The following PXDN variants were observed in gnomAD, a reference collection of about 807,000 sequenced individuals.
PXDN encodes peroxidasin homolog.
PXDN carries 77 observed loss-of-function variants against 140.3 expected under a neutral mutation model. The ratio of observed to expected loss-of-function variants is 0.55; its 90% CI spans 0.46 to 0.66. The LOEUF is 0.66. Ranked by LOEUF, PXDN falls within the 30% of genes least tolerant of loss-of-function variation. The probability of loss-of-function intolerance (pLI) is 0.00; values close to 1 mark genes in which losing one functional copy is unlikely to be tolerated. For synonymous variants in PXDN, 911 were observed against 857.4 expected, an observed-to-expected ratio of 1.06 and a Z score of -1.09; for missense variants, 1,838 against 2,039.5, an observed-to-expected ratio of 0.90 and a Z score of 1.90.
chr2:1,675,855 C>T (rs1028691547), intron 8 of PXDN, among the ~76,000 whole-genome samples: 2 of 146,892 alleles, frequency 1.4e-5, no homozygotes, highest in African/African-American at 2.7e-5. Context: ...ACATCTCAGA[C>T]GCATCCCTCT....
At position 1,660,996 on chromosome 2, in the gene PXDN, G is replaced by A; in HGVS notation, c.1722C>T (p.Ser574=). 1 of 1,614,000 alleles carries A rather than the reference G, an allele frequency of 6.2e-7. No individual in the cohort carries two copies. The highest frequency in any genetic ancestry group is 1.1e-5 in the South Asian group (1 of 91,084). Reference sequence around the variant, plus strand: ...CATTGATGGTCAAGAATCCTTCAGGGCTGATGTGAAATTTTCCACTTTCTG... The same window carrying A: ...CATTGATGGTCAAGAATCCTTCAGGACTGATGTGAAATTTTCCACTTTCTG... ...QVTESGKFHI[S]PEGFLTINDV... is the part of the protein sequence containing the mutation. Residue 574 remains serine (S), a synonymous_variant, in exon 14 of 23, where the codon AGC becomes AGT. Transcript: ENST00000252804. The surrounding 1 kb of genome is among the most constrained non-coding windows in gnomAD (Gnocchi z 4.6).
chr2:1,704,339 C>T (rs1684529597), intron 1 of PXDN, among the ~76,000 whole-genome samples: 1 of 65,382 alleles, frequency 1.5e-5, no homozygotes, highest in Admixed American at 1.8e-4. Context: ...GGGACAACTC[C>T]AGGTGAAAGA....
In PXDN at chr2:1,683,876, A is replaced by G; in HGVS notation, c.489-149T>C. ...TACAAATGAATCTGAAAACAAAAGA[A>G]ATGGTTTTTTTTTCCTGTTTTATCA... On this transcript the variant is annotated intron_variant, in intron 5 of 22. Coordinates refer to ENST00000252804, the MANE Select transcript of PXDN (RefSeq NM_012293.3). The G allele has an allele frequency of 4.3e-6, 4 of 922,612 alleles. No individual in the cohort carries two copies. In the South Asian group the frequency reaches 6.8e-5, roughly 16 times the overall value. The allele number at this position is 922,612 out of a possible 1,614,324, so 57.2% of individuals were successfully genotyped here. A position where few individuals can be genotyped will look rare whatever the true frequency, so the allele number is the denominator to read the frequency against.
At chr2:1,696,125 C>T (rs1025443421) in intron 1 of PXDN, among the ~76,000 whole-genome samples, 6 of 152,172 alleles carry the variant, frequency 3.9e-5, no homozygotes, top group South Asian at 2.1e-4. Flanking sequence ...AATATATCTT[C>T]GATAAAATTT....
At position 1,691,971 on chromosome 2, in the gene PXDN, T is replaced by C; in HGVS notation, c.301A>G (p.Ile101Val). The C allele has an allele frequency of 4.6e-6, 7 of 1,528,480 alleles. No homozygotes were observed. The highest frequency in any genetic ancestry group is 6.2e-6 in the Non-Finnish European group (7 of 1,132,654). The allele number at this position is 1,528,480 out of a possible 1,614,324, so 94.7% of individuals were successfully genotyped here. A position where few individuals can be genotyped will look rare whatever the true frequency, so the allele number is the denominator to read the frequency against. The change falls in exon 3 of 23, where the codon ATA becomes GTA. Residue 101 changes from isoleucine to valine, a missense_variant. Physicochemically the swap from Ile to Val is conservative, Grantham distance 29. Around this residue, in one of 5 missense-constraint regions of PXDN, gnomAD observed 231 missense variants for 201.5 expected, o/e 1.15. Coordinates refer to ENST00000252804, the MANE Select transcript of PXDN (RefSeq NM_012293.3). ...AAGTCTTCAAATGCTCCACTAGGTA[T>C]CCTCTTGATCTGATTATTATTGAGA... ...LLLNNNQIKR[I>V]PSGAFEDLEN...
At chr2:1,670,410 A>G (rs1207910330) in intron 9 of PXDN, among the ~76,000 whole-genome samples, 2 of 152,190 alleles carry the variant, frequency 1.3e-5, no homozygotes, top group Non-Finnish European at 2.9e-5. Context: ...ATTTTTTTGT[A>G]TATAGATAGG....
rs7584583 is a variant in PXDN at position 1,700,147 on chromosome 2, C to T, written c.201-7013G>A. Among the ~76,000 whole-genome samples, 723 of 152,180 alleles carry T rather than the reference C, an allele frequency of 4.8e-3. 9 individuals carry two copies. The highest frequency in any genetic ancestry group is 0.017 in the African/African-American group (685 of 41,502). ...CGCGATCTCAGGTCACTGCAACCAC[C>T]GCCTCCCGGGTTCAAGCAATTCTCC... On this transcript the variant is annotated intron_variant, in intron 1 of 22. Transcript: ENST00000252804.
chr2:1,666,245 G>A lies in PXDN; in HGVS notation c.1260C>T (p.Ser420=), dbSNP rs551938284. The change falls in exon 10 of 23, where the codon AGC becomes AGT. Residue 420 remains serine (S), a synonymous_variant. Coordinates refer to ENST00000252804, the MANE Select transcript of PXDN (RefSeq NM_012293.3). ...YACSATNNID[S]VHATAFIIVQ... ...CGATGATGAAAGCGGTGGCATGGAC[G>A]CTGTCAATGTTGTTGGTCGCAGAGC... 1.6e-5 allele frequency: 26 copies of A among 1,613,896 alleles called. No individual in the cohort carries two copies. The highest frequency in any genetic ancestry group is 5.0e-5 in the Admixed American group (3 of 60,006).
intron 1 of PXDN, among the ~76,000 whole-genome samples, chr2:1,719,695 T>C (rs1207562265): frequency 6.6e-6 from 1 of 152,184 alleles, no homozygotes; most frequent in African/African-American, 2.4e-5. Context: ...CATGGACCAC[T>C]GTCCTGGGTC....
chr2:1,714,172 C>T lies in PXDN; in HGVS notation c.201-21038G>A, dbSNP rs1684846024. ...TCCAGGATACTGTTTTTTTCAACTA[C>T]CTCATTTATTGCTCTTACATCTGCA... On this transcript the variant is annotated intron_variant, in intron 1 of 22. Transcript: ENST00000252804. The surrounding 1 kb of genome is among the most constrained non-coding windows in gnomAD (Gnocchi z 4.3). 6.6e-6 allele frequency among the ~76,000 whole-genome samples: 1 copy of T among 152,234 alleles called. No individual in the cohort carries two copies. Among genetic ancestry groups the T allele is most frequent in the African/African-American group, 2.4e-5 (1 of 41,476 alleles).
intron 17 of PXDN, among the ~76,000 whole-genome samples, chr2:1,647,727 T>G (rs1016599859): frequency 4.6e-5 from 7 of 152,228 alleles, no homozygotes; most frequent in Non-Finnish European, 1.0e-4. Context: ...GGCCCGGATC[T>G]GCAGACACCA....
At chr2:1,650,134 C>A (rs1682981337) in intron 16 of PXDN, among the ~76,000 whole-genome samples, 1 of 152,202 alleles carries the variant, frequency 6.6e-6, no homozygotes, top group African/African-American at 2.4e-5. Context: ...TTCCTGACAC[C>A]TGTCACTGCA....
chr2:1,726,798 T>C (rs929494071), intron 1 of PXDN, among the ~76,000 whole-genome samples: 1 of 152,234 alleles, frequency 6.6e-6, no homozygotes, highest in African/African-American at 2.4e-5. Flanking sequence ...GCTTTTACTT[T>C]AATGTAGTCC....
rs138518225 is a variant in PXDN at position 1,714,812 on chromosome 2, G to A, written c.201-21678C>T. Among the ~76,000 whole-genome samples, 906 of 152,302 alleles carry A rather than the reference G, an allele frequency of 5.9e-3. 3 individuals are homozygous for A. Among genetic ancestry groups the A allele is most frequent in the Middle Eastern group, 0.014 (4 of 294 alleles). The stretch of plus-strand genomic sequence containing the variant: ...CTCTTGGGCCGGACAAACCAGGCCT[G>A]GGTCAGATGGGGCCCCTGGCCAAGG... On this transcript the variant is annotated intron_variant, in intron 1 of 22. Coordinates refer to ENST00000252804, the MANE Select transcript of PXDN (RefSeq NM_012293.3). This position sits in a 1 kb window ranked among gnomAD's most constrained non-coding sequence, Gnocchi z 4.3.
chr2:1,700,928 G>A lies in PXDN; in HGVS notation c.201-7794C>T, dbSNP rs113740131. 2.0e-3 allele frequency among the ~76,000 whole-genome samples: 308 copies of A among 152,214 alleles called. 2 individuals carry two copies. Among genetic ancestry groups the A allele is most frequent in the African/African-American group, 7.1e-3 (297 of 41,552 alleles). ...AAGGCTCTTAGACTGTGCTGCTTCA[G>A]AGAGGCAAATATGCAAAGTGCTTTA... On this transcript the variant is annotated intron_variant, in intron 1 of 22. Coordinates refer to ENST00000252804, the MANE Select transcript of PXDN (RefSeq NM_012293.3).
chr2:1,647,071 T>G (rs966108478), intron 17 of PXDN, among the ~76,000 whole-genome samples: 1 of 151,896 alleles, frequency 6.6e-6, no homozygotes, highest in African/African-American at 2.4e-5. Flanking sequence ...ATTTTTGTAG[T>G]TTTTAGTAGA....
intron 19 of PXDN, among the ~76,000 whole-genome samples, chr2:1,642,121 TCTC>T (rs1457924231): frequency 2.0e-5 from 3 of 152,024 alleles, no homozygotes; most frequent in African/African-American, 7.3e-5. Context: ...TTATGTGAAT[TCTC>T]CTATCATATA....
intron 9 of PXDN, among the ~76,000 whole-genome samples, chr2:1,668,806 C>T (rs1296595460): frequency 6.6e-6 from 1 of 152,182 alleles, no homozygotes; most frequent in Non-Finnish European, 1.5e-5. Flanking sequence ...ACAACAGATG[C>T]TGGCGAGGAT....
Position 1,634,237 on chromosome 2 carries a change from G to C in PXDN, c.4407C>G (p.Val1469=). The stretch of plus-strand genomic sequence containing the variant: ...TTTCCTCCGCCCTCTTCTGTAAGCA[G>C]ACTGGACAGCAGGCCCCTGGGATGT... ...PVNIPGACCP[V]CLQKRAEEKP Residue 1469 remains valine (V), a synonymous_variant, in exon 23 of 23, where the codon GTC becomes GTG. Coordinates refer to ENST00000252804, the MANE Select transcript of PXDN (RefSeq NM_012293.3). 1 of 1,604,284 alleles carries C rather than the reference G, an allele frequency of 6.2e-7. No individual in the cohort carries two copies. The highest frequency in any genetic ancestry group is 8.5e-7 in the Non-Finnish European group (1 of 1,175,600).
Sources: gnomAD v4.1 joint callset for allele counts (sites outside exome capture counted in the v4.1 genomes callset) on GRCh38, gnomAD v4.1.1 for gene constraint, gnomAD v4.1.1 regional missense constraint, Gnocchi (gnomAD v3.1) non-coding constraint, MANE v1.5 for transcripts, NCBI Gene and HGNC (gene_info 2026-07-23, HGNC 2026-07-21) for gene names.